Variants in SCLT1 observed in about 807,000 individuals in gnomAD.
The protein encoded by SCLT1 is sodium channel and clathrin linker 1, also known as sodium channel-associated protein 1.
In SCLT1, 78 loss-of-function variants were observed where a neutral mutation model predicts 112.8. The ratio of observed to expected loss-of-function variants is 0.69; its 90% CI spans 0.58 to 0.83. The LOEUF (loss-of-function observed/expected upper bound fraction) is 0.83, where lower values mean the gene tolerates loss of function less well. Among genes scored for constraint, SCLT1 ranks in the 40% least tolerant of loss-of-function variants. SCLT1 has a pLI of 0.00. For missense variants in SCLT1, 747 were observed against 770.4 expected (o/e 0.97, Z 0.36); for synonymous variants, 257 against 254.7 (o/e 1.01, Z -0.09).
chr4:128,892,235 A>T (rs1253752761), intron 18 of SCLT1, among the ~76,000 whole-genome samples: 1 of 152,230 alleles, frequency 6.6e-6, no homozygotes, highest in African/African-American at 2.4e-5. Context: ...GGTACATACA[A>T]TGTAGCCTTA....
downstream of SCLT1, among the ~76,000 whole-genome samples, chr4:128,882,917 C>T (rs185867036): frequency 8.5e-5 from 13 of 152,092 alleles, no homozygotes; most frequent in South Asian, 4.2e-4. Context: ...GAGGCCGAGG[C>T]GGGCAGATCA....
At position 128,992,213 on chromosome 4, in the gene SCLT1, C is replaced by T; in HGVS notation, c.640G>A (p.Val214Ile). The T allele has an allele frequency of 1.2e-6, 2 of 1,600,518 alleles. No homozygotes were observed. The highest frequency in any genetic ancestry group is 1.7e-6 in the Non-Finnish European group (2 of 1,172,544). The change falls in exon 9 of 21, where the codon GTA becomes ATA. Residue 214 changes from valine (V) to isoleucine (I), a missense_variant. Physicochemically the swap from Val to Ile is conservative, Grantham distance 29. Around this residue, in one of 2 missense-constraint regions of SCLT1, gnomAD observed 723 missense variants for 721.3 expected, o/e 1.00. Transcript: ENST00000281142. Reference protein sequence around the residue: ...EVTNQQFLKTVTEQSVIIEQL... With the variant: ...EVTNQQFLKTITEQSVIIEQL... Reference sequence around the variant, plus strand: ...TCGATTATCACACTTTGTTCAGTTACTGTTTTCAGAAACTGTTGGTTAGTC... The same window carrying T: ...TCGATTATCACACTTTGTTCAGTTATTGTTTTCAGAAACTGTTGGTTAGTC...
At chr4:129,047,577 T>G (rs904891254) in intron 2 of SCLT1, among the ~76,000 whole-genome samples, 6 of 152,148 alleles carry the variant, frequency 3.9e-5, no homozygotes, top group African/African-American at 9.6e-5. Flanking sequence ...CTCTCCACAG[T>G]GGCTAAACTA....
downstream of SCLT1, among the ~76,000 whole-genome samples, chr4:128,881,643 T>C (rs1732642508): frequency 6.6e-6 from 1 of 152,214 alleles, no homozygotes; most frequent in Middle Eastern, 3.2e-3. Context: ...TTGTCCTCAA[T>C]TGCAGATCTA....
intron 2 of SCLT1, among the ~76,000 whole-genome samples, chr4:129,048,560 T>C (rs935908641): frequency 2.6e-5 from 4 of 151,218 alleles, no homozygotes; most frequent in South Asian, 2.1e-4. Context: ...ATTCAGGACA[T>C]AGGCATGGGC....
chr4:128,962,292 G>A (rs1222624759), intron 11 of SCLT1, among the ~76,000 whole-genome samples: 1 of 152,062 alleles, frequency 6.6e-6, no homozygotes, highest in Non-Finnish European at 1.5e-5. Flanking sequence ...CATTAAGAGG[G>A]TTTTTTTCAG....
chr4:129,090,951 T>C (rs1165869273), intron 1 of SCLT1, among the ~76,000 whole-genome samples: 1 of 152,080 alleles, frequency 6.6e-6, no homozygotes, highest in African/African-American at 2.4e-5. Context: ...AAACATGAGT[T>C]GAGAAGTACC....
intron 4 of SCLT1, among the ~76,000 whole-genome samples, chr4:129,041,143 A>C (rs1170538025): frequency 6.6e-6 from 1 of 152,218 alleles, no homozygotes; most frequent in Non-Finnish European, 1.5e-5. Flanking sequence ...GCAACTTTAA[A>C]TTCACTAGTC....
intron 5 of SCLT1, among the ~76,000 whole-genome samples, chr4:129,005,923 A>C (rs1452591487): frequency 6.7e-6 from 1 of 150,252 alleles, no homozygotes; most frequent in African/African-American, 2.4e-5. Flanking sequence ...AGGACAAAAA[A>C]CCAAACACCG....
At chr4:128,911,914 A>G (rs539759705) in intron 18 of SCLT1, among the ~76,000 whole-genome samples, 1 of 152,260 alleles carries the variant, frequency 6.6e-6, no homozygotes, top group African/African-American at 2.4e-5. Context: ...GATTCAATGC[A>G]TACAACTAAT....
In SCLT1 at chr4:129,093,535, A is replaced by G. The variant is rs895254203; in HGVS notation, c.-432T>C. The G allele has an allele frequency of 5.8e-6, 1 of 173,260 alleles. No individual in the cohort carries two copies. The highest frequency in any genetic ancestry group is 2.4e-5 in the African/African-American group (1 of 42,160). 10.7% of individuals were successfully genotyped at this position (173,260 alleles called of 1,614,324 possible). On this transcript the variant is annotated 5_prime_UTR_variant, in exon 1 of 21. Coordinates refer to ENST00000281142, the MANE Select transcript of SCLT1 (RefSeq NM_144643.4). ...CTGGGAAGCCCCAGGCCAGCAGCGG[A>G]AGTCCACTCGGCCCGCCCTGCGACT... is the stretch of plus-strand genomic sequence containing the variant.
chr4:128,979,549 T>C (rs374810294), intron 9 of SCLT1, among the ~76,000 whole-genome samples: 6 of 152,168 alleles, frequency 3.9e-5, no homozygotes, highest in African/African-American at 1.4e-4. Context: ...ATAAATACAT[T>C]TCTGTTGTTT....
At chr4:128,940,646 T>G (rs1195478566) in intron 17 of SCLT1, among the ~76,000 whole-genome samples, 1 of 151,916 alleles carries the variant, frequency 6.6e-6, no homozygotes, top group Non-Finnish European at 1.5e-5. Context: ...TAGTAATCCT[T>G]TATACACTAT....
chr4:128,902,120 G>C (rs994050343), intron 18 of SCLT1, among the ~76,000 whole-genome samples: 1 of 152,026 alleles, frequency 6.6e-6, no homozygotes, highest in Non-Finnish European at 1.5e-5. Context: ...GTCCAGGTTG[G>C]TCTCAAACTC....
chr4:128,928,968 CCTTTT>C (rs561255986), intron 18 of SCLT1, among the ~76,000 whole-genome samples: 152 of 152,242 alleles, frequency 1.0e-3, no homozygotes, highest in African/African-American at 3.5e-3. Flanking sequence ...TGAAAGCTTT[CCTTTT>C]AAGATTGGGA....
downstream of SCLT1, among the ~76,000 whole-genome samples, chr4:128,879,706 T>G (rs535378403): frequency 6.6e-6 from 1 of 152,198 alleles, no homozygotes; most frequent in Non-Finnish European, 1.5e-5. Flanking sequence ...TTAATACACA[T>G]AAGCATGTTA....
chr4:128,986,003 C>A (rs1742059154), intron 9 of SCLT1, among the ~76,000 whole-genome samples: 1 of 152,190 alleles, frequency 6.6e-6, no homozygotes, highest in Non-Finnish European at 1.5e-5. Flanking sequence ...TAAGAAAGCA[C>A]CTTCATAAGA....
At chr4:128,891,887 C>T (rs1487383690) in intron 18 of SCLT1, among the ~76,000 whole-genome samples, 1 of 152,082 alleles carries the variant, frequency 6.6e-6, no homozygotes, top group Non-Finnish European at 1.5e-5. Context: ...TCAAGCAATC[C>T]ACCCTCCTCG....
downstream of SCLT1, among the ~76,000 whole-genome samples, chr4:128,882,217 T>A (rs558420676): frequency 6.6e-6 from 1 of 152,330 alleles, no homozygotes; most frequent in South Asian, 2.1e-4. Flanking sequence ...AATTCTATGT[T>A]CTATAAATAT....
Sources: allele counts gnomAD v4.1 joint callset (sites outside exome capture counted in the v4.1 genomes callset), GRCh38; gene constraint gnomAD v4.1.1; regional missense constraint gnomAD v4.1.1; transcripts MANE v1.5; gene names NCBI Gene and HGNC (gene_info 2026-07-23, HGNC 2026-07-21).